The following LRRC4C variants were observed in gnomAD, a reference collection of about 807,000 sequenced individuals.
LRRC4C encodes the protein leucine rich repeat containing 4C, also known as leucine-rich repeat-containing protein 4C.
LRRC4C carries 5 observed loss-of-function variants against 33.6 expected under a neutral mutation model. The observed-to-expected ratio is 0.15, with a 90% confidence interval of 0.08 to 0.31. The LOEUF is 0.31. LRRC4C is among the 10% of genes least tolerant of loss of function. The pLI, the probability that LRRC4C is intolerant of heterozygous loss-of-function variation, is 1.00. For synonymous variants in LRRC4C, 329 were observed against 302.0 expected (o/e 1.09, Z -0.93); for missense variants, 560 against 796.7 (o/e 0.70, Z 3.58).
intron 2 of LRRC4C, among the ~76,000 whole-genome samples, chr11:40,820,446 A>G (rs995794286): frequency 1.2e-4 from 18 of 152,116 alleles, no homozygotes; most frequent in South Asian, 6.2e-4. Flanking sequence ...AAATCTGAAT[A>G]TAGTTCAAAT....
intron 1 of LRRC4C, among the ~76,000 whole-genome samples, chr11:41,268,189 C>G (rs892000810): frequency 1.3e-5 from 2 of 152,210 alleles, no homozygotes; most frequent in Non-Finnish European, 2.9e-5. Context: ...TCTTACAGAG[C>G]CCCAGTTCTG....
rs552331670 is a variant in LRRC4C at position 40,509,413 on chromosome 11, AT to A, written c.-270+138728del. Among the ~76,000 whole-genome samples, 1,125 of 152,282 alleles carry A rather than the reference AT, an allele frequency of 7.4e-3. 8 individuals are homozygous for A. Among genetic ancestry groups the A allele is most frequent in the Non-Finnish European group, 0.011 (742 of 68,018 alleles). ...ACATGATTCTCTTTTCCAAATTTAA[AT>A]TTATTTTGCAATTGAAGAAAAATGT... On this transcript the variant is annotated intron_variant, in intron 3 of 6. Coordinates refer to ENST00000528697, the MANE Select transcript of LRRC4C (RefSeq NM_001258419.2).
chr11:40,304,967 T>C (rs1442357452), intron 4 of LRRC4C, among the ~76,000 whole-genome samples: 1 of 152,166 alleles, frequency 6.6e-6, no homozygotes, highest in African/African-American at 2.4e-5. Context: ...GGTTTCACCG[T>C]GTTTAGCCAG....
intron 2 of LRRC4C, among the ~76,000 whole-genome samples, chr11:40,869,790 C>T (rs992628542): frequency 1.3e-5 from 2 of 152,176 alleles, no homozygotes; most frequent in African/African-American, 4.8e-5. Flanking sequence ...GGTCAAACAG[C>T]ACACTTGTCT....
intron 1 of LRRC4C, among the ~76,000 whole-genome samples, chr11:41,419,101 A>G (rs2070067757): frequency 1.3e-5 from 2 of 151,910 alleles, no homozygotes; most frequent in Non-Finnish European, 2.9e-5. Context: ...GTACAGATGG[A>G]ACAAAAATTT....
chr11:40,870,924 G>A (rs879258999), intron 2 of LRRC4C, among the ~76,000 whole-genome samples: 19 of 152,140 alleles, frequency 1.2e-4, no homozygotes, highest in South Asian at 4.1e-4. Context: ...GAGAAATATC[G>A]CTGAATTCTT....
intron 3 of LRRC4C, among the ~76,000 whole-genome samples, chr11:40,495,941 T>C (rs1004334257): frequency 2.0e-5 from 3 of 147,804 alleles, no homozygotes; most frequent in African/African-American, 5.0e-5. Context: ...GCAATTCTCC[T>C]GTCTCAGCCT....
chr11:40,499,361 C>G (rs769811304), intron 3 of LRRC4C, among the ~76,000 whole-genome samples: 3 of 152,156 alleles, frequency 2.0e-5, no homozygotes, highest in Non-Finnish European at 4.4e-5. Context: ...AAGCATCCTG[C>G]TCAGCAAGTA....
intron 2 of LRRC4C, among the ~76,000 whole-genome samples, chr11:40,761,019 G>T (rs1029724851): frequency 6.6e-6 from 1 of 151,336 alleles, no homozygotes; most frequent in African/African-American, 2.4e-5. Flanking sequence ...AGATAATCAA[G>T]ACATGATGGA....
At chr11:41,431,445 T>G (rs1486155565) in intron 1 of LRRC4C, among the ~76,000 whole-genome samples, 1 of 151,946 alleles carries the variant, frequency 6.6e-6, no homozygotes, top group African/African-American at 2.4e-5. Flanking sequence ...GGTCCACCAA[T>G]GTAGGTATAA....
chr11:40,872,614 T>C (rs769872610), intron 2 of LRRC4C, among the ~76,000 whole-genome samples: 11 of 152,126 alleles, frequency 7.2e-5, no homozygotes, highest in Non-Finnish European at 1.6e-4. Flanking sequence ...ATTTGGTAAA[T>C]TGTATACCTT....
rs532312797 is a variant in LRRC4C at position 40,704,899 on chromosome 11, T to G, written c.-406-56621A>C. On this transcript the variant is annotated intron_variant, in intron 2 of 6. Transcript: ENST00000528697. ...AATATTGAATTTAAATTTAATACAA[T>G]TGAAGAGAAAACATCTTAAAAACTA... Among the ~76,000 whole-genome samples the G allele has an allele frequency of 2.0e-5, 3 of 152,138 alleles. No individual in the cohort carries two copies. In the South Asian group the frequency reaches 6.2e-4, roughly 31 times the overall value.
intron 2 of LRRC4C, among the ~76,000 whole-genome samples, chr11:40,701,318 T>C (rs560646838): frequency 4.6e-5 from 7 of 152,096 alleles, no homozygotes; most frequent in Admixed American, 1.3e-4. Context: ...TGACACACCA[T>C]GTAAAAGAAA....
chr11:40,221,634 A>G (rs753118791), intron 5 of LRRC4C, among the ~76,000 whole-genome samples: 5 of 152,148 alleles, frequency 3.3e-5, no homozygotes, highest in Non-Finnish European at 5.9e-5. Flanking sequence ...AAAGGCAGAA[A>G]TGAAATCCAC....
chr11:40,165,825 A>T (rs1010913544), intron 5 of LRRC4C, among the ~76,000 whole-genome samples: 9 of 152,100 alleles, frequency 5.9e-5, no homozygotes, highest in African/African-American at 2.2e-4. Flanking sequence ...CATGCTTGTA[A>T]TCCCAGCTAC....
chr11:40,216,700 A>C (rs1035375518), intron 5 of LRRC4C, among the ~76,000 whole-genome samples: 1 of 152,162 alleles, frequency 6.6e-6, no homozygotes, highest in Non-Finnish European at 1.5e-5. Flanking sequence ...GAATTTCCCC[A>C]GTTATGAAAC....
chr11:41,297,434 T>C (rs1201624676), intron 1 of LRRC4C, among the ~76,000 whole-genome samples: 1 of 152,170 alleles, frequency 6.6e-6, no homozygotes, highest in Non-Finnish European at 1.5e-5. Context: ...CAGCTCTATT[T>C]TCTTGGAAGA....
chr11:40,141,956 G>A (rs780997519), intron 5 of LRRC4C, among the ~76,000 whole-genome samples: 37 of 152,086 alleles, frequency 2.4e-4, no homozygotes, highest in Middle Eastern at 3.2e-3. Flanking sequence ...TTTTAAAGAT[G>A]ATCTGTGGAT....
chr11:40,615,872 C>T (rs960244060), intron 3 of LRRC4C, among the ~76,000 whole-genome samples: 1 of 151,710 alleles, frequency 6.6e-6, no homozygotes, highest in African/African-American at 2.4e-5. Flanking sequence ...GGTGTTCAAT[C>T]TGACACTCAA....
Sources: allele counts gnomAD v4.1 joint callset (sites outside exome capture counted in the v4.1 genomes callset), GRCh38; gene constraint gnomAD v4.1.1; transcripts MANE v1.5; gene names NCBI Gene and HGNC (gene_info 2026-07-23, HGNC 2026-07-21).